The following HNMT variants were observed in gnomAD, a reference collection of about 807,000 sequenced individuals.
HNMT encodes histamine N-methyltransferase.
HNMT carries 30 observed loss-of-function variants against 32.1 expected under a neutral mutation model. The ratio of observed to expected loss-of-function variants is 0.93; its 90% CI spans 0.70 to 1.27. HNMT has a LOEUF of 1.27. Among genes scored for constraint, HNMT ranks in the 50% most tolerant of loss-of-function variants. The pLI is 0.00. For synonymous variants in HNMT, 125 were observed against 119.0 expected (o/e 1.05, Z -0.33); for missense variants, 327 against 346.0 (o/e 0.95, Z 0.43).
intron 1 of HNMT, chr2:137,967,209 G>T: frequency 1.4e-6 from 1 of 722,418 alleles, no homozygotes; most frequent in South Asian, 1.4e-5. Context: ...CTAGGAGTTT[G>T]AGACCAGCCT....
chr2:137,967,272 C>A, intron 1 of HNMT: 1 of 606,044 alleles, frequency 1.7e-6, no homozygotes, highest in Non-Finnish European at 2.9e-6. Flanking sequence ...GTTAGCTGAA[C>A]AAGGCGGCAT....
intron 2 of HNMT, chr2:137,981,161 C>G (rs538378891): frequency 6.4e-7 from 1 of 1,552,160 alleles, no homozygotes; most frequent in Admixed American, 1.8e-5. Flanking sequence ...AGGCTGAAAT[C>G]GAATGGCAGG....
chr2:137,994,669 C>T lies in HNMT; in HGVS notation c.191-6249C>T, dbSNP rs1166772343. 7.2e-5 allele frequency among the ~76,000 whole-genome samples: 11 copies of T among 152,240 alleles called. No homozygotes were observed. In the South Asian group the frequency reaches 2.3e-3, roughly 32 times the overall value. ...TGAACTCAGATCTGGATCAAGTGGA[C>T]CTAGTAGACATCTACAAACCTCTGT... On this transcript the variant is annotated intron_variant, in intron 2 of 5. Transcript: ENST00000280097.
intron 3 of HNMT, 47 bp from the exon 4 acceptor site, chr2:138,002,017 A>G (rs1681188119): frequency 7.0e-7 from 1 of 1,424,232 alleles, no homozygotes; most frequent in African/African-American, 1.5e-5. Flanking sequence ...TGGTTTCCAC[A>G]TTTGCAATTA....
intron 4 of HNMT, among the ~76,000 whole-genome samples, chr2:138,004,195 T>G (rs1282241430): frequency 6.6e-6 from 1 of 152,116 alleles, no homozygotes; most frequent in East Asian, 1.9e-4. Context: ...TTAGCCATCA[T>G]ATTGATTCAC....
intron 2 of HNMT, among the ~76,000 whole-genome samples, chr2:137,994,808 A>G (rs932209768): frequency 1.8e-4 from 28 of 151,980 alleles, no homozygotes; most frequent in African/African-American, 6.5e-4. Context: ...AACTGAAATC[A>G]TAACAGTCTC....
chr2:138,010,899 G>A (rs962681672), intron 5 of HNMT, among the ~76,000 whole-genome samples: 6 of 152,058 alleles, frequency 3.9e-5, no homozygotes, highest in African/African-American at 1.2e-4. Context: ...TTAAAAGGCA[G>A]CCTGTCTGGT....
intron 2 of HNMT, among the ~76,000 whole-genome samples, chr2:137,972,357 C>T (rs1680164188): frequency 6.6e-6 from 1 of 152,036 alleles, no homozygotes; most frequent in Non-Finnish European, 1.5e-5. Context: ...TTGTCTGCCT[C>T]GGCCTCCCAA....
At chr2:138,010,427 TAAA>T (rs993696143) in intron 5 of HNMT, among the ~76,000 whole-genome samples, 1 of 103,308 alleles carries the variant, frequency 9.7e-6, no homozygotes, top group Non-Finnish European at 2.1e-5. Flanking sequence ...AAAGGCTCAA[TAAA>T]AAAGACACAC....
At chr2:138,000,893 C>G in intron 2 of HNMT, 25 bp from the exon 3 acceptor site, 1 of 1,287,146 alleles carries the variant, frequency 7.8e-7, no homozygotes, top group Non-Finnish European at 1.1e-6. Context: ...AATGATGTGA[C>G]CTGTCCCATA....
At position 138,013,992 on chromosome 2, in the gene HNMT, C is replaced by T. The variant is rs1333429944; in HGVS notation, c.741C>T (p.Thr247=). The T allele has an allele frequency of 6.2e-7, 1 of 1,613,622 alleles. No homozygotes were observed. The highest frequency in any genetic ancestry group is 1.7e-5 in the Admixed American group (1 of 59,936). Residue 247 remains threonine (T), a synonymous_variant, in exon 6 of 6, where the codon ACC becomes ACT. Coordinates refer to ENST00000280097, the MANE Select transcript of HNMT (RefSeq NM_006895.3). ...TGCTTTGGGATTTTTTGACTGAAACCTGCAACTTTAATGCCACAGCACCAC... is the reference window on the plus strand; with the variant it reads ...TGCTTTGGGATTTTTTGACTGAAACTTGCAACTTTAATGCCACAGCACCAC... ...GDLLWDFLTE[T]CNFNATAPPD...
chr2:137,985,235 A>G (rs1011939495), intron 2 of HNMT, among the ~76,000 whole-genome samples: 1 of 152,036 alleles, frequency 6.6e-6, no homozygotes, highest in African/African-American at 2.4e-5. Context: ...AATGTATAAA[A>G]CTGCTCTAAC....
intron 2 of HNMT, among the ~76,000 whole-genome samples, chr2:137,977,414 T>C (rs1332156609): frequency 1.3e-5 from 2 of 152,102 alleles, no homozygotes; most frequent in Admixed American, 1.3e-4. Flanking sequence ...AGGTGACTTG[T>C]TGTTATCTTC....
chr2:138,004,247 T>C (rs536618975), intron 4 of HNMT, among the ~76,000 whole-genome samples: 5 of 152,074 alleles, frequency 3.3e-5, no homozygotes, highest in African/African-American at 1.2e-4. Flanking sequence ...GTGGAAAATG[T>C]GGAGTGTGGC....
intron 2 of HNMT, among the ~76,000 whole-genome samples, chr2:137,980,616 C>A (rs752670368): frequency 1.3e-5 from 2 of 152,282 alleles, no homozygotes; most frequent in South Asian, 4.1e-4. Context: ...TTTTGTAGAA[C>A]ATTTTGGTTG....
chr2:137,997,005 T>C (rs1681017742), intron 2 of HNMT, among the ~76,000 whole-genome samples: 1 of 152,144 alleles, frequency 6.6e-6, no homozygotes, highest in Admixed American at 6.6e-5. Context: ...TCCTTACACC[T>C]TATAACAAAA....
Position 137,971,880 on chromosome 2 carries a change from A to G in HNMT, c.190+1663A>G, listed in dbSNP as rs140609217. Among the ~76,000 whole-genome samples the G allele has an allele frequency of 2.1e-3, 318 of 152,148 alleles. 2 individuals are homozygous for G. Among genetic ancestry groups the G allele is most frequent in the African/African-American group, 6.8e-3 (283 of 41,522 alleles). ...ATGTAGATATATTATTTATATATTTATCTTTAGTTATTTTCTTTTGTCTGA... is the reference window on the plus strand; with the variant it reads ...ATGTAGATATATTATTTATATATTTGTCTTTAGTTATTTTCTTTTGTCTGA... On this transcript the variant is annotated intron_variant, in intron 2 of 5. Coordinates refer to ENST00000280097, the MANE Select transcript of HNMT (RefSeq NM_006895.3).
At chr2:137,976,017 A>G (rs986541885) in intron 2 of HNMT, among the ~76,000 whole-genome samples, 2 of 152,308 alleles carry the variant, frequency 1.3e-5, no homozygotes, top group East Asian at 3.9e-4. Context: ...CTGTAATCCC[A>G]GTACTTTGGG....
chr2:137,991,868 A>G (rs909709083), intron 2 of HNMT: 1 of 152,048 alleles, frequency 6.6e-6, no homozygotes, highest in Non-Finnish European at 1.5e-5. Flanking sequence ...GCCCCCATTG[A>G]AAAAAAACAT....
Sources: allele counts gnomAD v4.1 joint callset (sites outside exome capture counted in the v4.1 genomes callset), GRCh38; gene constraint gnomAD v4.1.1; transcripts MANE v1.5; gene names NCBI Gene and HGNC (gene_info 2026-07-23, HGNC 2026-07-21).